The following ABCB9 variants were observed in gnomAD, a reference collection of about 807,000 sequenced individuals.
ABCB9 encodes ABC-type oligopeptide transporter ABCB9.
A neutral mutation model predicts 62.0 loss-of-function variants in ABCB9; 36 were observed. That is an observed-to-expected ratio of 0.58 (90% CI 0.45 to 0.77). The LOEUF is 0.77. Ranked by LOEUF, ABCB9 falls within the 30% of genes least tolerant of loss-of-function variation. The pLI, the probability that ABCB9 is intolerant of heterozygous loss-of-function variation, is 0.00. For missense variants in ABCB9, 943 were observed against 1,054.7 expected (o/e 0.89, Z 1.47); for synonymous variants, 435 against 461.4 (o/e 0.94, Z 0.73).
intron 7 of ABCB9, among the ~76,000 whole-genome samples, chr12:122,943,665 G>T (rs2035885100): frequency 6.6e-6 from 1 of 151,956 alleles, no homozygotes; most frequent in South Asian, 2.1e-4. Context: ...GTTTCGCTTT[G>T]GTTGCCCAGG....
chr12:122,937,590 C>T (rs889169201), intron 9 of ABCB9, among the ~76,000 whole-genome samples: 3 of 152,130 alleles, frequency 2.0e-5, no homozygotes, highest in Admixed American at 1.3e-4. Flanking sequence ...AAAGTGTGAA[C>T]GGCTCTGCCC....
chr12:122,960,121 G>C lies in ABCB9; in HGVS notation c.115C>G (p.Arg39Gly), dbSNP rs760149562. 7 of 1,613,586 alleles carry C rather than the reference G, an allele frequency of 4.3e-6. No individual in the cohort carries two copies. In the Admixed American group the frequency reaches 5.0e-5, roughly 12 times the overall value. Residue 39 changes from arginine to glycine, a missense_variant, in exon 2 of 12, where the codon CGC becomes GGC. By Grantham distance (125) the Arg-to-Gly change is moderately radical. Transcript: ENST00000280560. ...HLDRSLLEDI[R>G]HFNIFDSVLD... ...ACCGAGTCAAAGATGTTGAAGTGGC[G>C]GATGTCCTCCAGGAGGCTGCGGTCC...
At chr12:122,969,174 A>ACCCCCCCCCCCCC (rs56058123), upstream of ABCB9, among the ~76,000 whole-genome samples, 1 of 138,476 alleles carries the variant, frequency 7.2e-6, no homozygotes, top group Non-Finnish European at 1.6e-5. Context: ...CATCCTTTCC[A>ACCCCCCCCCCCCC]CCCCCCCCCC....
intron 2 of ABCB9, among the ~76,000 whole-genome samples, chr12:122,954,344 G>A (rs1421975343): frequency 6.6e-6 from 1 of 152,112 alleles, no homozygotes; most frequent in Non-Finnish European, 1.5e-5. Context: ...GAGTAGCTGG[G>A]ATTACAGGCA....
At chr12:122,946,800 A>G (rs2036065511) in intron 5 of ABCB9, among the ~76,000 whole-genome samples, 1 of 152,210 alleles carries the variant, frequency 6.6e-6, no homozygotes, top group South Asian at 2.1e-4. Flanking sequence ...AGAGCTGAAA[A>G]GTGGTCCCAA....
chr12:122,946,536 A>C (rs2036055850), intron 5 of ABCB9: 2 of 375,836 alleles, frequency 5.3e-6, no homozygotes, highest in Admixed American at 4.0e-5. Context: ...AGTTTTTGGT[A>C]ATCCTTTCAG....
chr12:122,942,071 C>T (rs1268040891), intron 7 of ABCB9, among the ~76,000 whole-genome samples: 1 of 152,030 alleles, frequency 6.6e-6, no homozygotes, highest in African/African-American at 2.4e-5. Context: ...AACATTATCT[C>T]CTTTTTTACT....
rs369469703 is a variant in ABCB9 at position 122,951,240 on chromosome 12, C to CTT, written c.602-677_602-676dup. 3.5e-3 allele frequency among the ~76,000 whole-genome samples: 470 copies of CTT among 135,902 alleles called. 3 individuals carry two copies. The highest frequency in any genetic ancestry group is 5.6e-3 in the Admixed American group (75 of 13,416). 89.2% of individuals were successfully genotyped at this position (135,902 alleles called of 152,430 possible). ...GTTTTTCTTTTTCTAAAATATTTTC[C>CTT]TTTTTTTTTTTTTTTTTAACTTTTT... On this transcript the variant is annotated intron_variant, in intron 2 of 11. Coordinates refer to ENST00000280560, the MANE Select transcript of ABCB9 (RefSeq NM_019625.4).
rs374278268 is a variant in ABCB9, at chr12:122,949,948, G to A, written c.717-30C>T. On this transcript the variant is annotated intron_variant, in intron 3 of 11. Coordinates refer to ENST00000280560, the MANE Select transcript of ABCB9 (RefSeq NM_019625.4). ...TTGCAGATAAGAGATATTATAGCAC[G>A]ATGTCCTTCCAGACCAGTGACCACA... The A allele has an allele frequency of 5.0e-6, 8 of 1,613,186 alleles. No individual in the cohort carries two copies. In the African/African-American group the frequency reaches 5.3e-5, roughly 11 times the overall value.
chr12:122,932,809 G>A lies in ABCB9; in HGVS notation c.1904-481C>T, dbSNP rs543499040. Among the ~76,000 whole-genome samples the A allele has an allele frequency of 8.5e-5, 13 of 152,252 alleles. No individual in the cohort carries two copies. The highest frequency in any genetic ancestry group is 7.2e-4 in the Admixed American group (11 of 15,288). On this transcript the variant is annotated intron_variant, in intron 10 of 11. Coordinates refer to ENST00000280560, the MANE Select transcript of ABCB9 (RefSeq NM_019625.4). The surrounding 1 kb of genome is among the most constrained non-coding windows in gnomAD (Gnocchi z 4.7). Reference sequence around the variant, plus strand: ...TCCCATGCACAACAATATAGACACAGGTCACCTGTGACCCACAGCGCTGTT... The same window carrying A: ...TCCCATGCACAACAATATAGACACAAGTCACCTGTGACCCACAGCGCTGTT...
Position 122,948,827 on chromosome 12 carries a change from C to G in ABCB9, c.850G>C (p.Asp284His), listed in dbSNP as rs1473510626. 6.4e-7 allele frequency: 1 copy of G among 1,554,924 alleles called. No individual in the cohort carries two copies. The highest frequency in any genetic ancestry group is 1.9e-5 in the Admixed American group (1 of 53,840). Residue 284 changes from aspartate to histidine, a missense_variant and splice_region_variant, in exon 5 of 12, where the codon GAC becomes CAC. Asp to His is a moderately conservative substitution (Grantham distance 81). Coordinates refer to ENST00000280560, the MANE Select transcript of ABCB9 (RefSeq NM_019625.4). ...TSFFDENRTG[D>H]LISRLTSDTT... is the part of the protein sequence containing the mutation. Reference sequence around the variant, plus strand: ...TCCGAGGTCAGGCGGGAGATGAGGTCCCCTGGAACACACGCGGCTCAGCTC... The same window carrying G: ...TCCGAGGTCAGGCGGGAGATGAGGTGCCCTGGAACACACGCGGCTCAGCTC...
At chr12:122,949,157 A>C (rs2036218323) in intron 4 of ABCB9, 1 of 225,316 alleles carries the variant, frequency 4.4e-6, no homozygotes, top group Admixed American at 5.3e-5. Flanking sequence ...TCACTGGCAG[A>C]GGGGGTAACT....
At chr12:122,963,055 T>C (rs1055835587) in intron 1 of ABCB9, among the ~76,000 whole-genome samples, 12 of 152,164 alleles carry the variant, frequency 7.9e-5, no homozygotes, top group African/African-American at 2.9e-4. Context: ...TCTGGGCCTC[T>C]TGGGAGGCCA....
downstream of ABCB9, chr12:122,920,888 G>T: frequency 1.3e-6 from 1 of 797,236 alleles, no homozygotes; most frequent in South Asian, 1.7e-5. Context: ...ACTCCAGCCT[G>T]GGCAACAGAG....
intron 2 of ABCB9, among the ~76,000 whole-genome samples, chr12:122,955,718 T>G (rs1460721326): frequency 2.0e-5 from 3 of 151,596 alleles, no homozygotes; most frequent in Non-Finnish European, 4.4e-5. Flanking sequence ...TTTTTTTGTT[T>G]TTTTTTTTTT....
chr12:122,919,346 A>C (rs2034692038), downstream of ABCB9, among the ~76,000 whole-genome samples: 1 of 151,806 alleles, frequency 6.6e-6, no homozygotes, highest in South Asian at 2.1e-4. Context: ...CTGATTTTTA[A>C]ATTTTTGTAG....
In ABCB9 at chr12:122,949,803, C is replaced by T. The variant is rs1297081764; in HGVS notation, c.832G>A (p.Asp278Asn). Reference sequence around the variant, plus strand: ...AAGGACCAACCTGTGCGGTTCTCATCAAAGAAGCTTGTCTCCTGGGACACC... The same window carrying T: ...AAGGACCAACCTGTGCGGTTCTCATTAAAGAAGCTTGTCTCCTGGGACACC... The part of the protein sequence containing the change: ...SLVSQETSFF[D>N]ENRTGDLISR... The change falls in exon 4 of 12, where the codon GAT becomes AAT. Residue 278 changes from aspartate (D) to asparagine (N), a missense_variant. Coordinates refer to ENST00000280560, the MANE Select transcript of ABCB9 (RefSeq NM_019625.4). 1.2e-6 allele frequency: 2 copies of T among 1,614,066 alleles called. No homozygotes were observed. The highest frequency in any genetic ancestry group is 1.7e-6 in the Non-Finnish European group (2 of 1,180,010).
At chr12:122,945,046 C>T (rs1454412532) in intron 6 of ABCB9, among the ~76,000 whole-genome samples, 2 of 152,196 alleles carry the variant, frequency 1.3e-5, no homozygotes, top group Admixed American at 1.3e-4. Context: ...TCCATCTGTC[C>T]TCCTCATGCC....
chr12:122,929,601 G>C lies in ABCB9; in HGVS notation c.*310C>G. The C allele has an allele frequency of 8.5e-7, 1 of 1,183,080 alleles. No individual in the cohort carries two copies. Among genetic ancestry groups the C allele is most frequent in the Non-Finnish European group, 1.0e-6 (1 of 956,910 alleles). 73.3% of individuals were successfully genotyped at this position (1,183,080 alleles called of 1,614,324 possible). A position where few individuals can be genotyped will look rare whatever the true frequency, so the allele number is the denominator to read the frequency against. On this transcript the variant is annotated 3_prime_UTR_variant, in exon 12 of 12. Coordinates refer to ENST00000280560, the MANE Select transcript of ABCB9 (RefSeq NM_019625.4). This position sits in a 1 kb window ranked among gnomAD's most constrained non-coding sequence, Gnocchi z 6.0. ...AAAAGGTTTTTGAAATCTAGGAGTT[G>C]ACTGGGGTGCCTCAAACCAAACAGT...
Sources: gnomAD v4.1 joint callset for allele counts (sites outside exome capture counted in the v4.1 genomes callset) on GRCh38, gnomAD v4.1.1 for gene constraint, Gnocchi (gnomAD v3.1) non-coding constraint, MANE v1.5 for transcripts, NCBI Gene and HGNC (gene_info 2026-07-23, HGNC 2026-07-21) for gene names.